Variants in GPC6 observed in about 807,000 individuals in gnomAD.
The protein encoded by GPC6 is glypican 6, also known as glypican-6.
A neutral mutation model predicts 55.2 loss-of-function variants in GPC6; 14 were observed. The observed-to-expected ratio is 0.25, with a 90% CI of 0.17 to 0.40. GPC6 has a LOEUF of 0.40. GPC6 is among the 10% of genes least tolerant of loss of function. GPC6 has a pLI of 1.00. For missense variants in GPC6, 641 were observed against 708.5 expected (o/e 0.90, Z 1.08); for synonymous variants, 278 against 259.6 (o/e 1.07, Z -0.68).
At chr13:93,796,861 A>T (rs906070651) in intron 2 of GPC6, among the ~76,000 whole-genome samples, 44 of 86,714 alleles carry the variant, frequency 5.1e-4, no homozygotes, top group African/African-American at 2.2e-3. Flanking sequence ...CTTAACTCTG[A>T]TGCACAATCT....
chr13:94,373,732 C>T (rs1304205113), intron 6 of GPC6, among the ~76,000 whole-genome samples: 4 of 152,054 alleles, frequency 2.6e-5, no homozygotes, highest in African/African-American at 4.8e-5. Context: ...AGATACTCCT[C>T]GAGAAGAGGA....
intron 2 of GPC6, among the ~76,000 whole-genome samples, chr13:93,728,831 G>A (rs931542206): frequency 6.6e-6 from 1 of 152,100 alleles, no homozygotes; most frequent in Non-Finnish European, 1.5e-5. Flanking sequence ...GCCTCCCAAA[G>A]TGCTGAGATT....
chr13:93,916,503 C>G (rs1238771649), intron 3 of GPC6, among the ~76,000 whole-genome samples: 6 of 152,154 alleles, frequency 3.9e-5, no homozygotes, highest in Admixed American at 3.3e-4. Flanking sequence ...CCCCCAAACT[C>G]CAACATTTTA....
At chr13:94,200,155 T>C (rs1226937937) in intron 4 of GPC6, among the ~76,000 whole-genome samples, 1 of 137,166 alleles carries the variant, frequency 7.3e-6, no homozygotes, top group Admixed American at 7.2e-5. Context: ...AAACTCTGTC[T>C]AAAAAAAAAA....
chr13:94,383,735 ATGC>A (rs147548747), intron 7 of GPC6, among the ~76,000 whole-genome samples: 2 of 152,304 alleles, frequency 1.3e-5, no homozygotes, highest in East Asian at 3.9e-4. Context: ...GTCCATTCTC[ATGC>A]TGCTATAAAG....
chr13:94,066,421 T>TG (rs1274493022), intron 4 of GPC6, among the ~76,000 whole-genome samples: 1 of 152,158 alleles, frequency 6.6e-6, no homozygotes, highest in African/African-American at 2.4e-5. Context: ...TTTCTTTAGA[T>TG]GAAAAAAAGA....
intron 1 of GPC6, among the ~76,000 whole-genome samples, chr13:93,231,377 A>G (rs1294191995): frequency 3.2e-4 from 6 of 18,708 alleles, no homozygotes; most frequent in Non-Finnish European, 4.8e-4. Flanking sequence ...ATATATATAT[A>G]TACATATATA....
intron 4 of GPC6, among the ~76,000 whole-genome samples, chr13:94,095,835 A>G (rs1168664316): frequency 4.6e-5 from 7 of 152,178 alleles, no homozygotes; most frequent in Non-Finnish European, 5.9e-5. Context: ...TATGGTAAAT[A>G]GAAAAGGGGA....
intron 4 of GPC6, among the ~76,000 whole-genome samples, chr13:94,192,722 T>C (rs1009994781): frequency 6.6e-6 from 1 of 152,168 alleles, no homozygotes; most frequent in African/African-American, 2.4e-5. Context: ...AAAGGGCAAC[T>C]GAGAGAATGT....
intron 3 of GPC6, among the ~76,000 whole-genome samples, chr13:93,965,025 A>G (rs146788615): frequency 7.3e-5 from 11 of 150,844 alleles, no homozygotes; most frequent in Non-Finnish European, 1.5e-4. Context: ...TTTTCATTTC[A>G]TGTTTAATAA....
chr13:93,411,766 C>T (rs578226936), intron 1 of GPC6, among the ~76,000 whole-genome samples: 50 of 152,098 alleles, frequency 3.3e-4, no homozygotes, highest in Admixed American at 7.9e-4. Context: ...TTTGGGAGGT[C>T]GAGGTGGGTC....
intron 1 of GPC6, among the ~76,000 whole-genome samples, chr13:93,412,108 G>A (rs141078385): frequency 3.3e-5 from 5 of 152,044 alleles, no homozygotes; most frequent in Non-Finnish European, 7.4e-5. Context: ...CTTTAATACC[G>A]TGATAACATT....
intron 4 of GPC6, among the ~76,000 whole-genome samples, chr13:94,099,264 A>C (rs1885770162): frequency 6.6e-6 from 1 of 152,196 alleles, no homozygotes; most frequent in Non-Finnish European, 1.5e-5. Flanking sequence ...ATTAAAAATA[A>C]TAAGTAGCTT....
Position 93,344,685 on chromosome 13 carries a change from A to G in GPC6, c.160+117069A>G, listed in dbSNP as rs141887825. Among the ~76,000 whole-genome samples the G allele has an allele frequency of 5.7e-3, 873 of 152,272 alleles. 7 individuals carry two copies. The highest frequency in any genetic ancestry group is 0.019 in the African/African-American group (780 of 41,550). On this transcript the variant is annotated intron_variant, in intron 1 of 8. Coordinates refer to ENST00000377047, the MANE Select transcript of GPC6 (RefSeq NM_005708.5). ...TAATTGCTTTGACTGTAAAAGGTTG[A>G]CAATCCCTGAGCCTTTTGTGCGATA...
intron 6 of GPC6, among the ~76,000 whole-genome samples, chr13:94,313,978 G>T (rs9524430): frequency 0.39 from 58,832 of 151,946 alleles, 11,692 homozygotes; most frequent in African/African-American, 0.45. Flanking sequence ...TGATGCATTC[G>T]GTAGATATCA....
chr13:93,754,013 A>G (rs761134856), intron 2 of GPC6, among the ~76,000 whole-genome samples: 13 of 152,168 alleles, frequency 8.5e-5, no homozygotes, highest in Non-Finnish European at 1.6e-4. Context: ...GAGACTGAGT[A>G]TGTGATAGAA....
At position 94,015,587 on chromosome 13, in the gene GPC6, CCAAGATCAT is replaced by C. The variant is rs370720280; in HGVS notation, c.712-12135_712-12127del. Reference sequence around the variant, plus strand: ...TCATACTAAGAATTCATTCTTAAATCCAAGATCATCAAGATTTACCCCATATGTTTCTTT... The same window carrying C: ...TCATACTAAGAATTCATTCTTAAATCCAAGATTTACCCCATATGTTTCTTT... On this transcript the variant is annotated intron_variant, in intron 3 of 8. Transcript: ENST00000377047. Among the ~76,000 whole-genome samples the C allele has an allele frequency of 4.6e-3, 704 of 152,224 alleles. 7 individuals carry two copies. Among genetic ancestry groups the C allele is most frequent in the African/African-American group, 0.016 (683 of 41,550 alleles).
At chr13:93,959,674 G>T (rs1369803648) in intron 3 of GPC6, among the ~76,000 whole-genome samples, 1 of 152,090 alleles carries the variant, frequency 6.6e-6, no homozygotes, top group Non-Finnish European at 1.5e-5. Context: ...CCTTAGTTGA[G>T]TAGGTGGCCT....
At chr13:93,753,722 T>TTCACCAA (rs1394114756) in intron 2 of GPC6, among the ~76,000 whole-genome samples, 1 of 151,128 alleles carries the variant, frequency 6.6e-6, no homozygotes, top group African/African-American at 2.4e-5. Flanking sequence ...CCCCAACCCC[T>TTCACCAA]CCACCAACCA....
Sources: gnomAD v4.1 joint callset for allele counts (sites outside exome capture counted in the v4.1 genomes callset) on GRCh38, gnomAD v4.1.1 for gene constraint, MANE v1.5 for transcripts, NCBI Gene and HGNC (gene_info 2026-07-23, HGNC 2026-07-21) for gene names.